The following CNTN3 variants were observed in gnomAD, a reference collection of about 807,000 sequenced individuals.
CNTN3 encodes the protein contactin-3.
A neutral mutation model predicts 119.1 loss-of-function variants in CNTN3; 60 were observed. The observed-to-expected ratio is 0.50, with a 90% CI of 0.41 to 0.62. CNTN3 has a LOEUF of 0.62. CNTN3 is among the 20% of genes least tolerant of loss of function. CNTN3 has a pLI of 0.00. For missense variants in CNTN3, 1,101 were observed against 1,242.4 expected, an observed-to-expected ratio of 0.89 and a Z score of 1.71; for synonymous variants, 450 against 438.7, an observed-to-expected ratio of 1.03 and a Z score of -0.32.
At chr3:74,570,232 T>A (rs1026976908) in intron 1 of CNTN3, among the ~76,000 whole-genome samples, 11 of 151,814 alleles carry the variant, frequency 7.2e-5, no homozygotes, top group Non-Finnish European at 1.6e-4. Context: ...AGGAGGGGAA[T>A]CCTGGGGGCC....
Position 74,516,469 on chromosome 3 carries a change from C to CT in CNTN3, c.55+4588dup, listed in dbSNP as rs770208016. 5.3e-5 allele frequency among the ~76,000 whole-genome samples: 8 copies of CT among 150,794 alleles called. 1 individual carries two copies. The East Asian group carries it at 5.8e-4, about 11-fold the overall frequency. Reference sequence around the variant, plus strand: ...CTTATAATTTTCTTAATAACATTGTCTTTTTTCTAGCTTACTTTACTGTAA... The same window carrying CT: ...CTTATAATTTTCTTAATAACATTGTCTTTTTTTCTAGCTTACTTTACTGTAA... On this transcript the variant is annotated intron_variant, in intron 2 of 22. Coordinates refer to ENST00000263665, the MANE Select transcript of CNTN3 (RefSeq NM_020872.3).
At chr3:74,415,689 C>G (rs1303995985) in intron 5 of CNTN3, among the ~76,000 whole-genome samples, 2 of 152,104 alleles carry the variant, frequency 1.3e-5, no homozygotes, top group Non-Finnish European at 2.9e-5. Flanking sequence ...GGCTAGAAAA[C>G]AGCTACAGAA....
chr3:74,589,398 C>A (rs746129144), intron 1 of CNTN3, among the ~76,000 whole-genome samples: 5 of 147,080 alleles, frequency 3.4e-5, no homozygotes, highest in Non-Finnish European at 7.5e-5. Context: ...AAATCAAAAC[C>A]ACAATGAGAT....
At chr3:74,427,177 T>C (rs950266083) in intron 4 of CNTN3, among the ~76,000 whole-genome samples, 3 of 152,184 alleles carry the variant, frequency 2.0e-5, no homozygotes, top group African/African-American at 7.2e-5. Context: ...ATATGGCCGG[T>C]TCATGGACGT....
At chr3:74,520,938 A>G in intron 2 of CNTN3, 120 bp downstream of exon 2, 1 of 510,210 alleles carries the variant, frequency 2.0e-6, no homozygotes, top group Non-Finnish European at 3.4e-6. Context: ...TTTTGGGAGG[A>G]AAAACATTTG....
chr3:74,276,558 G>C (rs974412847), intron 20 of CNTN3, among the ~76,000 whole-genome samples: 1 of 150,896 alleles, frequency 6.6e-6, no homozygotes, highest in African/African-American at 2.5e-5. Flanking sequence ...ATGAAATCAA[G>C]ATGGAAATTA....
chr3:74,292,434 C>T (rs576319394), intron 19 of CNTN3, among the ~76,000 whole-genome samples: 56 of 152,168 alleles, frequency 3.7e-4, no homozygotes, highest in African/African-American at 1.3e-3. Flanking sequence ...GGCGTGGTGG[C>T]GTGCACCTGT....
At chr3:74,378,883 C>T (rs558502735) in intron 5 of CNTN3, among the ~76,000 whole-genome samples, 132 of 152,306 alleles carry the variant, frequency 8.7e-4, no homozygotes, top group Non-Finnish European at 1.0e-3. Context: ...CTAACTCCTA[C>T]ACGAAGCTTC....
chr3:74,597,668 CA>C (rs1704835530), intron 1 of CNTN3, among the ~76,000 whole-genome samples: 2 of 151,966 alleles, frequency 1.3e-5, no homozygotes, highest in African/African-American at 4.8e-5. Flanking sequence ...TAAAGCCAAT[CA>C]AACATCATCA....
rs138789474 is a variant in CNTN3 at position 74,395,123 on chromosome 3, T to C, written c.455-23724A>G. On this transcript the variant is annotated intron_variant, in intron 5 of 22. Transcript: ENST00000263665. Reference sequence around the variant, plus strand: ...TAGAGTATTTATTGCTTCCCTACAATGTCTTTTGCTGTTTCTCCTACTAGA... The same window carrying C: ...TAGAGTATTTATTGCTTCCCTACAACGTCTTTTGCTGTTTCTCCTACTAGA... 3.7e-3 allele frequency among the ~76,000 whole-genome samples: 562 copies of C among 152,262 alleles called. 20 individuals carry two copies. The highest frequency in any genetic ancestry group is 0.033 in the Admixed American group (502 of 15,292).
intron 1 of CNTN3, among the ~76,000 whole-genome samples, chr3:74,530,631 T>G (rs183810687): frequency 8.2e-4 from 124 of 151,966 alleles, no homozygotes; most frequent in Middle Eastern, 3.4e-3. Flanking sequence ...TCAGAGATGT[T>G]AGGGGCACAG....
chr3:74,555,727 T>C (rs113060108), intron 1 of CNTN3, among the ~76,000 whole-genome samples: 10,272 of 152,266 alleles, frequency 0.067, 1,105 homozygotes, highest in African/African-American at 0.23. Context: ...TCTCTGATGG[T>C]AGTTGGTATT....
At chr3:74,418,191 A>G (rs1006709137) in intron 5 of CNTN3, among the ~76,000 whole-genome samples, 5 of 151,962 alleles carry the variant, frequency 3.3e-5, no homozygotes, top group African/African-American at 1.2e-4. Context: ...CATATTCTTA[A>G]TTCTGTTTTT....
At chr3:74,475,956 CAT>C (rs1319315897) in intron 4 of CNTN3, among the ~76,000 whole-genome samples, 1 of 152,102 alleles carries the variant, frequency 6.6e-6, no homozygotes, top group East Asian at 1.9e-4. Flanking sequence ...CCACATTTTT[CAT>C]ATGTTTGCAC....
chr3:74,531,919 G>C (rs1295694976), intron 1 of CNTN3, among the ~76,000 whole-genome samples: 1 of 151,850 alleles, frequency 6.6e-6, no homozygotes, highest in Non-Finnish European at 1.5e-5. Flanking sequence ...GACCATCAAA[G>C]TTACTAAGGC....
intron 4 of CNTN3, among the ~76,000 whole-genome samples, chr3:74,478,386 T>C (rs1702698739): frequency 6.6e-6 from 1 of 152,034 alleles, no homozygotes; most frequent in South Asian, 2.1e-4. Context: ...GAGAAGAGGC[T>C]TATTCTCAAA....
intron 1 of CNTN3, among the ~76,000 whole-genome samples, chr3:74,578,548 A>C (rs1313305480): frequency 1.3e-5 from 2 of 152,052 alleles, no homozygotes; most frequent in Non-Finnish European, 2.9e-5. Context: ...TAACCCTCAG[A>C]CTATCCCATC....
chr3:74,454,967 C>A (rs1469499459), intron 4 of CNTN3, among the ~76,000 whole-genome samples: 3 of 152,068 alleles, frequency 2.0e-5, no homozygotes, highest in South Asian at 2.1e-4. Context: ...ACTTTGGTGA[C>A]TCTGACAATT....
At chr3:74,318,480 C>T (rs1474183309) in intron 13 of CNTN3, among the ~76,000 whole-genome samples, 2 of 152,060 alleles carry the variant, frequency 1.3e-5, no homozygotes, top group Non-Finnish European at 2.9e-5. Flanking sequence ...ATCTACTTGT[C>T]GTCTTTGATG....
Sources: gnomAD v4.1 joint callset for allele counts (sites outside exome capture counted in the v4.1 genomes callset) on GRCh38, gnomAD v4.1.1 for gene constraint, MANE v1.5 for transcripts, NCBI Gene and HGNC (gene_info 2026-07-23, HGNC 2026-07-21) for gene names.